Variants in POLR3B observed in about 807,000 individuals in gnomAD.
POLR3B encodes the protein RNA polymerase III subunit B, also known as DNA-directed RNA polymerase III subunit RPC2.
POLR3B carries 96 observed loss-of-function variants against 147.4 expected under a neutral mutation model. The ratio of observed to expected loss-of-function variants is 0.65; its 90% confidence interval spans 0.55 to 0.77. POLR3B has a LOEUF of 0.77. Among genes scored for constraint, POLR3B ranks in the 30% least tolerant of loss-of-function variants. The probability of loss-of-function intolerance (pLI) is 0.00; values close to 1 mark genes in which losing one functional copy is unlikely to be tolerated. For missense variants in POLR3B, 1,036 were observed against 1,413.5 expected, an observed-to-expected ratio of 0.73 and a Z score of 4.28; for synonymous variants, 461 against 485.9, an observed-to-expected ratio of 0.95 and a Z score of 0.67.
At chr12:106,365,865 A>AG (rs1205363529) in intron 2 of POLR3B, among the ~76,000 whole-genome samples, 1 of 145,516 alleles carries the variant, frequency 6.9e-6, no homozygotes, top group East Asian at 2.5e-4. Flanking sequence ...TCTCAAAAAA[A>AG]AAAAAAAATT....
chr12:106,392,625 C>A lies in POLR3B; in HGVS notation c.724-406C>A, dbSNP rs1199380880. 2.0e-5 allele frequency among the ~76,000 whole-genome samples: 3 copies of A among 152,274 alleles called. No individual in the cohort carries two copies. In the East Asian group the frequency reaches 5.8e-4, roughly 29 times the overall value. ...CAGAAAAATTAATTTTGTGACAAGA[C>A]TGATTGGGGTTCTGCTTATTTTCAG... On this transcript the variant is annotated intron_variant, in intron 9 of 27. Coordinates refer to ENST00000228347, the MANE Select transcript of POLR3B (RefSeq NM_018082.6).
At chr12:106,505,357 G>A (rs902084987) in intron 27 of POLR3B, among the ~76,000 whole-genome samples, 10 of 149,592 alleles carry the variant, frequency 6.7e-5, no homozygotes, top group Non-Finnish European at 8.9e-5. Flanking sequence ...GTGTGATCTC[G>A]GCTCACTGCA....
chr12:106,398,461 T>C (rs2037013663), intron 10 of POLR3B, among the ~76,000 whole-genome samples: 1 of 152,206 alleles, frequency 6.6e-6, no homozygotes, highest in Non-Finnish European at 1.5e-5. Context: ...TAAATGTCCC[T>C]CTCTGACAGC....
At chr12:106,472,657 T>G (rs1379766284) in intron 23 of POLR3B, among the ~76,000 whole-genome samples, 3 of 144,088 alleles carry the variant, frequency 2.1e-5, no homozygotes, top group Non-Finnish European at 3.0e-5. Context: ...TGCATAAATG[T>G]CTTCTTTTGA....
In POLR3B at chr12:106,392,876, G is replaced by A. The variant is rs1019866198; in HGVS notation, c.724-155G>A. 6.6e-5 allele frequency among the ~76,000 whole-genome samples: 10 copies of A among 152,360 alleles called. No individual in the cohort carries two copies. In the South Asian group the frequency reaches 1.0e-3, roughly 16 times the overall value. ...TCTGTTTCAGGTTTTTCTGCAGCTT[G>A]GGCAAGGCTGCCAATGCCAGATGGC... On this transcript the variant is annotated intron_variant, in intron 9 of 27. Coordinates refer to ENST00000228347, the MANE Select transcript of POLR3B (RefSeq NM_018082.6).
intron 27 of POLR3B, chr12:106,507,742 A>G (rs774397228): frequency 2.2e-6 from 1 of 455,854 alleles, no homozygotes; most frequent in South Asian, 1.6e-5. Flanking sequence ...TCTCCTCCTC[A>G]GGAAACTCTG....
In POLR3B at chr12:106,422,229, A is replaced by G. The variant is rs1472960863; in HGVS notation, c.1102-4968A>G. Among the ~76,000 whole-genome samples, 4 of 152,220 alleles carry G rather than the reference A, an allele frequency of 2.6e-5. No homozygotes were observed. In the South Asian group the frequency reaches 8.3e-4, roughly 32 times the overall value. ...ATCCTCCTAGTGCCATTTTCTTGGT[A>G]GAATTCTCATGAGATCTGGTTGCTT... is the stretch of plus-strand genomic sequence containing the variant. On this transcript the variant is annotated intron_variant, in intron 12 of 27. Transcript: ENST00000228347.
intron 23 of POLR3B, among the ~76,000 whole-genome samples, chr12:106,471,789 TTGA>T (rs2137046254): frequency 6.6e-6 from 1 of 152,280 alleles, no homozygotes; most frequent in East Asian, 1.9e-4. Flanking sequence ...TTCTCTACTG[TTGA>T]TGGATTGATT....
chr12:106,452,114 G>T (rs2037805099), intron 19 of POLR3B, among the ~76,000 whole-genome samples: 3 of 152,150 alleles, frequency 2.0e-5, no homozygotes, highest in Non-Finnish European at 4.4e-5. Context: ...CTTGCCTGTT[G>T]CTTATTGGCA....
intron 10 of POLR3B, among the ~76,000 whole-genome samples, chr12:106,402,840 T>C (rs1171854551): frequency 6.6e-6 from 1 of 152,126 alleles, no homozygotes; most frequent in Non-Finnish European, 1.5e-5. Flanking sequence ...ATGTTAGACC[T>C]AAAACCATAA....
intron 23 of POLR3B, among the ~76,000 whole-genome samples, chr12:106,467,682 A>G (rs748503782): frequency 2.0e-5 from 3 of 152,182 alleles, no homozygotes; most frequent in Non-Finnish European, 4.4e-5. Flanking sequence ...AATTTTGTCA[A>G]AGGCCTTTTC....
At chr12:106,363,067 G>A (rs889998929) in intron 1 of POLR3B, among the ~76,000 whole-genome samples, 1 of 152,098 alleles carries the variant, frequency 6.6e-6, no homozygotes, top group African/African-American at 2.4e-5. Context: ...TGCTGGAGCT[G>A]CCTCCTGCTC....
In POLR3B at chr12:106,490,559, A is replaced by G. The variant is rs12316795; in HGVS notation, c.2714-5496A>G. Among the ~76,000 whole-genome samples, 1,511 of 152,308 alleles carry G rather than the reference A, an allele frequency of 9.9e-3. 21 individuals are homozygous for G. The highest frequency in any genetic ancestry group is 0.035 in the African/African-American group (1,448 of 41,550). On this transcript the variant is annotated intron_variant, in intron 23 of 27. Coordinates refer to ENST00000228347, the MANE Select transcript of POLR3B (RefSeq NM_018082.6). ...TATGTCAACCGGTATATGGCAAGTG[A>G]TGTGATAGATCTGGAAATGATTCAA...
At chr12:106,381,953 A>C (rs944230443) in intron 9 of POLR3B, 2 of 152,224 alleles carry the variant, frequency 1.3e-5, no homozygotes, top group Non-Finnish European at 2.9e-5. Flanking sequence ...TAACTTCCTG[A>C]CGTTGCCATG....
chr12:106,404,242 C>T (rs2037118560), intron 10 of POLR3B, among the ~76,000 whole-genome samples: 1 of 152,042 alleles, frequency 6.6e-6, no homozygotes. Context: ...AGGTGTGCAC[C>T]ACGATGCCCG....
chr12:106,378,067 G>A (rs567123159), intron 7 of POLR3B, among the ~76,000 whole-genome samples, 200 bp from the exon 8 acceptor site: 4 of 152,194 alleles, frequency 2.6e-5, no homozygotes, highest in South Asian at 4.1e-4. Flanking sequence ...CAGCCTCGGC[G>A]ACAAAGGGAG....
chr12:106,369,619 A>G lies in POLR3B; in HGVS notation c.340A>G (p.Thr114Ala). The change falls in exon 6 of 28, where the codon ACA (threonine) becomes GCA (alanine). Residue 114 changes from threonine (T) to alanine (A), a missense_variant. By Grantham distance (58) the Thr-to-Ala change is moderately conservative. This residue lies in a region of POLR3B where 150 missense variants were observed against 145.5 expected (regional missense o/e 1.03). Transcript: ENST00000228347. ...AGACATGACATACTCTGCCCCTATTACAGTGGATATTGAATATACCCGAGG... is the reference window on the plus strand; with the variant it reads ...AGACATGACATACTCTGCCCCTATTGCAGTGGATATTGAATATACCCGAGG... ...LRDMTYSAPI[T>A]VDIEYTRGSQ... 2 of 1,612,954 alleles carry G rather than the reference A, an allele frequency of 1.2e-6. No individual in the cohort carries two copies. The highest frequency in any genetic ancestry group is 1.7e-6 in the Non-Finnish European group (2 of 1,178,964).
intron 23 of POLR3B, among the ~76,000 whole-genome samples, chr12:106,482,714 T>C (rs2038286160): frequency 6.6e-6 from 1 of 152,154 alleles, no homozygotes; most frequent in Non-Finnish European, 1.5e-5. Flanking sequence ...TTTAGGTTCG[T>C]TGAGATTAGG....
chr12:106,468,049 C>G (rs2038031435), intron 23 of POLR3B, among the ~76,000 whole-genome samples: 1 of 152,174 alleles, frequency 6.6e-6, no homozygotes, highest in Non-Finnish European at 1.5e-5. Context: ...CTTTGTACCT[C>G]TGGTAGAATT....
Sources: gnomAD v4.1 joint callset for allele counts (sites outside exome capture counted in the v4.1 genomes callset) on GRCh38, gnomAD v4.1.1 for gene constraint, gnomAD v4.1.1 regional missense constraint, MANE v1.5 for transcripts, NCBI Gene and HGNC (gene_info 2026-07-23, HGNC 2026-07-21) for gene names.